RAB6A: variants seen among roughly 807,000 people sequenced by gnomAD.
RAB6A encodes the protein ras-related protein Rab-6A.
In RAB6A, 8 loss-of-function variants were observed where a neutral mutation model predicts 32.3. The ratio of observed to expected loss-of-function variants is 0.25; its 90% CI spans 0.15 to 0.45. The LOEUF (loss-of-function observed/expected upper bound fraction) is 0.45, where lower values mean the gene tolerates loss of function less well. Among genes scored for constraint, RAB6A ranks in the 20% least tolerant of loss-of-function variants. RAB6A has a pLI of 1.00. For missense variants in RAB6A, 104 were observed against 249.4 expected, an observed-to-expected ratio of 0.42 and a Z score of 3.93; for synonymous variants, 73 against 82.1, an observed-to-expected ratio of 0.89 and a Z score of 0.60.
chr11:73,749,668 C>A (rs1354148974), intron 1 of RAB6A, among the ~76,000 whole-genome samples: 2 of 152,100 alleles, frequency 1.3e-5, no homozygotes, highest in African/African-American at 4.8e-5. Flanking sequence ...TTGAGACCAC[C>A]CTGGTCAACA....
rs146066308 is a variant in RAB6A at position 73,750,166 on chromosome 11, T to C, written c.70+10400A>G. On this transcript the variant is annotated intron_variant, in intron 1 of 7. Transcript: ENST00000336083. ...TTGGATTTCATCTCAAAAGTAAAGTTTGTCAGGATGTTTTGGCAAGGTTTA... is the reference window on the plus strand; with the variant it reads ...TTGGATTTCATCTCAAAAGTAAAGTCTGTCAGGATGTTTTGGCAAGGTTTA... 1.2e-4 allele frequency among the ~76,000 whole-genome samples: 18 copies of C among 152,234 alleles called. No individual in the cohort carries two copies. In the East Asian group the frequency reaches 3.5e-3, roughly 29 times the overall value.
chr11:73,760,340 G>A (rs1723842), intron 1 of RAB6A, among the ~76,000 whole-genome samples: 12,939 of 152,214 alleles, frequency 0.085, 728 homozygotes, highest in African/African-American at 0.16. Context: ...CCGGACTGCG[G>A]GGAACGGAGC....
chr11:73,704,614 G>A (rs1235733044), intron 6 of RAB6A, among the ~76,000 whole-genome samples: 1 of 151,810 alleles, frequency 6.6e-6, no homozygotes, highest in African/African-American at 2.4e-5. Context: ...CAACCCAGGA[G>A]GCAGAGGTTG....
intron 6 of RAB6A, among the ~76,000 whole-genome samples, chr11:73,687,237 G>C (rs1489468355): frequency 1.3e-5 from 2 of 152,072 alleles, no homozygotes; most frequent in African/African-American, 4.8e-5. Flanking sequence ...GGGGAAATAA[G>C]GAGTTATTAT....
intron 6 of RAB6A, among the ~76,000 whole-genome samples, chr11:73,696,760 C>T (rs1488748735): frequency 6.6e-6 from 1 of 151,768 alleles, no homozygotes; most frequent in Non-Finnish European, 1.5e-5. Context: ...CAACACACCA[C>T]CATGCCTAGA....
chr11:73,753,698 G>A (rs774929189), intron 1 of RAB6A, among the ~76,000 whole-genome samples: 7 of 150,450 alleles, frequency 4.7e-5, no homozygotes, highest in Non-Finnish European at 8.9e-5. Context: ...GTGACTGAGC[G>A]AGATTCCGTC....
intron 1 of RAB6A, among the ~76,000 whole-genome samples, chr11:73,736,135 T>C (rs1466590526): frequency 6.6e-6 from 1 of 151,856 alleles, no homozygotes; most frequent in African/African-American, 2.4e-5. Context: ...TATGAGAAAT[T>C]CACCGTTTTA....
intron 6 of RAB6A, among the ~76,000 whole-genome samples, chr11:73,692,958 CAAAAACAAAA>C (rs1945598577): frequency 9.0e-6 from 1 of 111,370 alleles, no homozygotes; most frequent in Admixed American, 1.0e-4. Context: ...GAGACTGTCT[CAAAAACAAAA>C]CAAAACAAAA....
chr11:73,721,454 T>C (rs1946131862), intron 2 of RAB6A, among the ~76,000 whole-genome samples: 1 of 152,166 alleles, frequency 6.6e-6, no homozygotes, highest in Non-Finnish European at 1.5e-5. Flanking sequence ...CACACAATGA[T>C]AGCTTCCTTC....
intron 1 of RAB6A, among the ~76,000 whole-genome samples, chr11:73,752,545 G>A (rs907631906): frequency 3.3e-5 from 5 of 152,146 alleles, no homozygotes; most frequent in African/African-American, 7.2e-5. Flanking sequence ...GAACTGGCAC[G>A]GTGGCTCATG....
chr11:73,757,129 ATTTTTTTTT>A (rs869261713), intron 1 of RAB6A, among the ~76,000 whole-genome samples: 1 of 30,352 alleles, frequency 3.3e-5, no homozygotes, highest in African/African-American at 1.9e-4. Context: ...ATATATATAT[ATTTTTTTTT>A]TTTTTTTTTT....
At chr11:73,740,715 C>T (rs1288662692) in intron 1 of RAB6A, among the ~76,000 whole-genome samples, 2 of 151,958 alleles carry the variant, frequency 1.3e-5, no homozygotes, top group African/African-American at 4.8e-5. Flanking sequence ...ATGGTGAAAC[C>T]CCGTCTCTAC....
chr11:73,751,398 C>G (rs1327564013), intron 1 of RAB6A, among the ~76,000 whole-genome samples: 1 of 152,064 alleles, frequency 6.6e-6, no homozygotes, highest in Non-Finnish European at 1.5e-5. Flanking sequence ...AGTAATTGAC[C>G]TAAAAGACTC....
At chr11:73,681,597 G>C (rs1945357995) in intron 6 of RAB6A, among the ~76,000 whole-genome samples, 1 of 152,192 alleles carries the variant, frequency 6.6e-6, no homozygotes, top group South Asian at 2.1e-4. Context: ...CAGATTACGA[G>C]GTCGAGTTTG....
chr11:73,721,091 A>G (rs1276225143), intron 2 of RAB6A, among the ~76,000 whole-genome samples, 192 bp from the exon 3 acceptor site: 1 of 152,216 alleles, frequency 6.6e-6, no homozygotes, highest in South Asian at 2.1e-4. Context: ...CACTTGCTTC[A>G]TATCAGAGAT....
rs1946127233 is a variant in RAB6A, at chr11:73,721,058, G to T, written c.130-159C>A. On this transcript the variant is annotated intron_variant, in intron 2 of 7. Transcript: ENST00000336083. The stretch of plus-strand genomic sequence containing the variant: ...ATTAAGGACAAACAAAATTTCCAGT[G>T]ATAATGATTTTCATGTATTCAGCAC... 2.6e-5 allele frequency among the ~76,000 whole-genome samples: 4 copies of T among 152,300 alleles called. 1 individual carries two copies. The highest frequency in any genetic ancestry group is 9.6e-5 in the African/African-American group (4 of 41,550).
intron 1 of RAB6A, among the ~76,000 whole-genome samples, chr11:73,744,672 G>A (rs1307167261): frequency 6.6e-6 from 1 of 152,030 alleles, no homozygotes; most frequent in Non-Finnish European, 1.5e-5. Flanking sequence ...ATATTCCAGT[G>A]GAAAGTTCAA....
chr11:73,738,958 A>T (rs1185553727), intron 1 of RAB6A, among the ~76,000 whole-genome samples: 1 of 151,156 alleles, frequency 6.6e-6, no homozygotes, highest in African/African-American at 2.4e-5. Flanking sequence ...AAACAAAACT[A>T]AACTAAACTA....
At chr11:73,695,100 C>T (rs12799377) in intron 6 of RAB6A, among the ~76,000 whole-genome samples, 5,875 of 152,124 alleles carry the variant, frequency 0.039, 156 homozygotes, top group Middle Eastern at 0.071. Flanking sequence ...AAACTTGGTG[C>T]TTTCTCCAAA....
Sources: allele counts gnomAD v4.1 joint callset (sites outside exome capture counted in the v4.1 genomes callset), GRCh38; gene constraint gnomAD v4.1.1; transcripts MANE v1.5; gene names NCBI Gene and HGNC (gene_info 2026-07-23, HGNC 2026-07-21).